Variants in INSYN2A observed in about 807,000 individuals in gnomAD.
INSYN2A encodes family with sequence similarity 196 member A.
In INSYN2A, 17 loss-of-function variants were observed where a neutral mutation model predicts 39.4. The ratio of observed to expected loss-of-function variants is 0.43; its 90% confidence interval spans 0.30 to 0.65. The LOEUF is 0.65. INSYN2A is among the 30% of genes least tolerant of loss of function. INSYN2A has a pLI of 0.14. For synonymous variants in INSYN2A, 255 were observed against 265.7 expected, an observed-to-expected ratio of 0.96 and a Z score of 0.39; for missense variants, 595 against 631.2, an observed-to-expected ratio of 0.94 and a Z score of 0.61.
In INSYN2A at chr10:127,196,268, C is replaced by G. The variant is rs1242730357; in HGVS notation, c.-666G>C. ...CGTCGCTCGCGTCCCTCCGGCCCCG[C>G]TTAGCGACGCGCGCGGGGAGGCAGC... On this transcript the variant is annotated 5_prime_UTR_variant, in exon 1 of 6. Transcript: ENST00000522781. The G allele has an allele frequency of 1.3e-5, 2 of 148,598 alleles. No individual in the cohort carries two copies. Among genetic ancestry groups the G allele is most frequent in the Non-Finnish European group, 3.0e-5 (2 of 66,948 alleles). 9.2% of individuals were successfully genotyped at this position (148,598 alleles called of 1,614,324 possible).
At chr10:127,162,836 G>C (rs2053704563) in intron 4 of INSYN2A, among the ~76,000 whole-genome samples, 1 of 152,162 alleles carries the variant, frequency 6.6e-6, no homozygotes, top group Non-Finnish European at 1.5e-5. Context: ...CCTGTGCTGG[G>C]GAACAGTTGC....
chr10:127,163,486 A>G (rs1325786014), intron 4 of INSYN2A, among the ~76,000 whole-genome samples: 1 of 152,154 alleles, frequency 6.6e-6, no homozygotes, highest in Non-Finnish European at 1.5e-5. Flanking sequence ...CCAGAAGTAG[A>G]GTAGATGACT....
At chr10:127,152,893 CTCTG>C (rs1317543529) in intron 5 of INSYN2A, among the ~76,000 whole-genome samples, 1 of 152,156 alleles carries the variant, frequency 6.6e-6, no homozygotes, top group Non-Finnish European at 1.5e-5. Flanking sequence ...ATCTGGGATG[CTCTG>C]TCTGGATCGG....
chr10:127,141,506 C>T (rs905512544), intron 5 of INSYN2A, among the ~76,000 whole-genome samples: 7 of 152,124 alleles, frequency 4.6e-5, no homozygotes, highest in African/African-American at 1.7e-4. Context: ...AGTTCAAGAC[C>T]AGTCTGGCCA....
intron 5 of INSYN2A, among the ~76,000 whole-genome samples, chr10:127,142,968 C>G (rs1341477642): frequency 6.6e-6 from 1 of 152,152 alleles, no homozygotes; most frequent in Admixed American, 6.5e-5. Flanking sequence ...CCAGCCTGCA[C>G]CTAAGCTTTA....
chr10:127,143,381 C>T (rs987744577), intron 5 of INSYN2A, among the ~76,000 whole-genome samples: 15 of 152,252 alleles, frequency 9.9e-5, no homozygotes, highest in Non-Finnish European at 1.6e-4. Flanking sequence ...TCAGAGTCTT[C>T]CCCAGTGCTA....
intron 4 of INSYN2A, among the ~76,000 whole-genome samples, chr10:127,159,854 G>A (rs993339855): frequency 3.0e-4 from 46 of 152,282 alleles, no homozygotes; most frequent in African/African-American, 1.1e-3. Flanking sequence ...CCATGGCCAC[G>A]TCCTGGGTGG....
At chr10:127,139,231 T>C (rs1592175419) in intron 5 of INSYN2A, among the ~76,000 whole-genome samples, 1 of 152,164 alleles carries the variant, frequency 6.6e-6, no homozygotes, top group African/African-American at 2.4e-5. Flanking sequence ...AGAGAACCAT[T>C]AATCCTAGAC....
intron 4 of INSYN2A, among the ~76,000 whole-genome samples, chr10:127,174,257 A>G (rs1180053983): frequency 6.6e-6 from 1 of 152,152 alleles, no homozygotes; most frequent in Non-Finnish European, 1.5e-5. Context: ...CTCCGATGTT[A>G]CCTCCAGTAC....
chr10:127,174,516 T>G (rs974534914), intron 4 of INSYN2A, among the ~76,000 whole-genome samples: 1 of 152,178 alleles, frequency 6.6e-6, no homozygotes, highest in African/African-American at 2.4e-5. Context: ...CAAGATGGTC[T>G]TATCAACGCA....
chr10:127,168,941 C>A (rs189335230), intron 4 of INSYN2A, among the ~76,000 whole-genome samples: 42 of 152,302 alleles, frequency 2.8e-4, no homozygotes, highest in African/African-American at 9.9e-4. Flanking sequence ...GTAATTAGAG[C>A]AAATTCAGAG....
intron 4 of INSYN2A, among the ~76,000 whole-genome samples, chr10:127,160,518 CT>C (rs2053507443): frequency 6.6e-6 from 1 of 152,190 alleles, no homozygotes; most frequent in Admixed American, 6.5e-5. Context: ...ATTTGCTGCT[CT>C]TTTAAATGCC....
intron 2 of INSYN2A, 57 bp downstream of exon 2, chr10:127,192,548 T>G (rs569778939): frequency 6.6e-6 from 1 of 152,338 alleles, no homozygotes; most frequent in Admixed American, 6.5e-5. Context: ...CATTATGGTT[T>G]GAATAATGTC....
At position 127,196,163 on chromosome 10, in the gene INSYN2A, C is replaced by T. The variant is rs1479169141; in HGVS notation, c.-561G>A. ...AAGCCTCGGCTCCGGGGACTTGGCC[C>T]GCTGCGCGCCTGCTGCCCGCCCCCT... On this transcript the variant is annotated 5_prime_UTR_variant, in exon 1 of 6. Transcript: ENST00000522781. The T allele has an allele frequency of 1.3e-5, 2 of 151,138 alleles. No homozygotes were observed. The highest frequency in any genetic ancestry group is 2.0e-4 in the East Asian group (1 of 5,106). 9.4% of individuals were successfully genotyped at this position (151,138 alleles called of 1,614,324 possible). A position where few individuals can be genotyped will look rare whatever the true frequency, so the allele number is the denominator to read the frequency against.
chr10:127,161,034 A>G (rs1481786649), intron 4 of INSYN2A, among the ~76,000 whole-genome samples: 6 of 152,224 alleles, frequency 3.9e-5, no homozygotes, highest in African/African-American at 1.4e-4. Context: ...TAGTAAAGGC[A>G]CTGTTTTCAG....
rs1315431844 is a variant in INSYN2A at position 127,182,807 on chromosome 10, G to A, written c.-268-5668C>T. The stretch of plus-strand genomic sequence containing the variant: ...CCCATCATCATGACAGTGACAGAGT[G>A]TGAGACAGGAGGGCTGTGCTTTGAA... On this transcript the variant is annotated intron_variant, in intron 2 of 5. Transcript: ENST00000522781. 2.6e-5 allele frequency among the ~76,000 whole-genome samples: 4 copies of A among 152,172 alleles called. No individual in the cohort carries two copies. In the East Asian group the frequency reaches 5.9e-4, roughly 22 times the overall value.
intron 2 of INSYN2A, among the ~76,000 whole-genome samples, chr10:127,184,216 T>C (rs576356377): frequency 7.8e-4 from 119 of 152,296 alleles, no homozygotes; most frequent in Admixed American, 2.0e-3. Flanking sequence ...TTGGTTTGCA[T>C]TGGGGTCACG....
At position 127,176,375 on chromosome 10, in the gene INSYN2A, G is replaced by A. The variant is rs1340129009; in HGVS notation, c.21C>T (p.Gly7=). 4.3e-6 allele frequency: 7 copies of A among 1,609,878 alleles called. No individual in the cohort carries two copies. Among genetic ancestry groups the A allele is most frequent in the South Asian group, 1.1e-5 (1 of 90,704 alleles). ...TCTCCGACGTTGTGAGTATGCATTT[G>A]CCGGTGTCCTTACTGACCATGGTTC... MVSKDT[G]KCILTTSESE... is the part of the protein sequence containing the mutation. Residue 7 remains glycine (G), a synonymous_variant, in exon 4 of 6, where the codon GGC becomes GGT. Transcript: ENST00000522781. This position sits in a 1 kb window ranked among gnomAD's most constrained non-coding sequence, Gnocchi z 4.4.
chr10:127,179,128 G>A (rs1403317863), intron 2 of INSYN2A, among the ~76,000 whole-genome samples: 1 of 152,178 alleles, frequency 6.6e-6, no homozygotes, highest in Non-Finnish European at 1.5e-5. Flanking sequence ...TGAAAAATGT[G>A]TGTCTGAATA....
Sources: allele counts gnomAD v4.1 joint callset (sites outside exome capture counted in the v4.1 genomes callset), GRCh38; gene constraint gnomAD v4.1.1; non-coding constraint Gnocchi (gnomAD v3.1); transcripts MANE v1.5; gene names NCBI Gene and HGNC (gene_info 2026-07-23, HGNC 2026-07-21).